The following DGCR2 variants were observed in gnomAD, a reference collection of about 807,000 sequenced individuals.
DGCR2 encodes the protein integral membrane protein DGCR2/IDD.
A neutral mutation model predicts 51.6 loss-of-function variants in DGCR2; 24 were observed. That is an observed-to-expected ratio of 0.47 (90% confidence interval 0.34 to 0.65). DGCR2 has a LOEUF of 0.65. DGCR2 is among the 30% of genes least tolerant of loss of function. The probability of loss-of-function intolerance (pLI) is 0.01; values close to 1 mark genes in which losing one functional copy is unlikely to be tolerated. For missense variants in DGCR2, 765 were observed against 772.1 expected (o/e 0.99, Z 0.11); for synonymous variants, 340 against 315.4 (o/e 1.08, Z -0.82).
intron 4 of DGCR2, among the ~76,000 whole-genome samples, chr22:19,064,559 G>A (rs555349965): frequency 1.2e-4 from 18 of 152,200 alleles, no homozygotes; most frequent in East Asian, 5.8e-4. Flanking sequence ...CCCTGCCTGC[G>A]CTCAGCAACT....
intron 1 of DGCR2, chr22:19,121,810 T>A (rs1228350181): frequency 9.8e-6 from 2 of 205,062 alleles, no homozygotes; most frequent in East Asian, 1.2e-4. Flanking sequence ...TGAGAGCCAC[T>A]GTCCCCAGCC....
At chr22:19,075,782 A>G (rs895106835) in intron 2 of DGCR2, among the ~76,000 whole-genome samples, 9 of 152,172 alleles carry the variant, frequency 5.9e-5, no homozygotes, top group African/African-American at 2.2e-4. Flanking sequence ...AAGGTAAACC[A>G]TATTCCACTG....
At chr22:19,080,228 C>T (rs2082921108) in intron 2 of DGCR2, among the ~76,000 whole-genome samples, 1 of 152,184 alleles carries the variant, frequency 6.6e-6, no homozygotes, top group Non-Finnish European at 1.5e-5. Flanking sequence ...TCAACCTCCA[C>T]GACTCCCCTC....
In DGCR2 at chr22:19,057,973, C is replaced by T. The variant is rs911302468; in HGVS notation, c.626-811G>A. Among the ~76,000 whole-genome samples the T allele has an allele frequency of 6.6e-6, 1 of 152,176 alleles. No individual in the cohort carries two copies. The highest frequency in any genetic ancestry group is 1.5e-5 in the Non-Finnish European group (1 of 68,028). ...CCAAGATTCCTTGAGGCTTACCCGA[C>T]CAGGATCAATGGAAACACAAAGCAA... On this transcript the variant is annotated intron_variant, in intron 5 of 9. Coordinates refer to ENST00000263196, the MANE Select transcript of DGCR2 (RefSeq NM_005137.3). The surrounding 1 kb of genome is among the most constrained non-coding windows in gnomAD (Gnocchi z 5.1).
intron 1 of DGCR2, among the ~76,000 whole-genome samples, chr22:19,112,207 A>G (rs113453892): frequency 0.12 from 18,258 of 150,340 alleles, 1,258 homozygotes; most frequent in Middle Eastern, 0.19. Context: ...CGGGAGGCAG[A>G]GGTTACAGTG....
intron 7 of DGCR2, among the ~76,000 whole-genome samples, chr22:19,044,397 ATT>A (rs1405621395): frequency 6.6e-6 from 1 of 152,204 alleles, no homozygotes; most frequent in Non-Finnish European, 1.5e-5. Flanking sequence ...GGAGCTCACC[ATT>A]TCATTGAGCT....
intron 1 of DGCR2, among the ~76,000 whole-genome samples, chr22:19,100,637 G>A (rs1371345872): frequency 1.3e-5 from 2 of 148,570 alleles, no homozygotes; most frequent in African/African-American, 5.0e-5. Flanking sequence ...CTGCACTCCA[G>A]CCTGGGCGAC....
At chr22:19,096,365 A>G (rs1302503898) in intron 1 of DGCR2, among the ~76,000 whole-genome samples, 1 of 152,180 alleles carries the variant, frequency 6.6e-6, no homozygotes, top group East Asian at 1.9e-4. Flanking sequence ...AGGTGAGAAA[A>G]AGAGGTTGGT....
chr22:19,109,546 A>G (rs1256200715), intron 1 of DGCR2, among the ~76,000 whole-genome samples: 1 of 152,226 alleles, frequency 6.6e-6, no homozygotes, highest in Non-Finnish European at 1.5e-5. Flanking sequence ...GCATGATTCT[A>G]CTTATATGGA....
At chr22:19,048,692 T>C in intron 6 of DGCR2, 49 bp from the exon 7 acceptor site, 1 of 1,593,094 alleles carries the variant, frequency 6.3e-7, no homozygotes, top group Non-Finnish European at 8.6e-7. Flanking sequence ...CCAAAAAAGG[T>C]AGCCTCCCCG....
At chr22:19,104,477 C>T (rs1253258215) in intron 1 of DGCR2, among the ~76,000 whole-genome samples, 1 of 152,170 alleles carries the variant, frequency 6.6e-6, no homozygotes, top group Non-Finnish European at 1.5e-5. Context: ...CATTTGCCCA[C>T]AAAGAACAAG....
In DGCR2 at chr22:19,041,231, G is replaced by A. The variant is rs763137065; in HGVS notation, c.1223C>T (p.Thr408Met). 37 of 1,614,100 alleles carry A rather than the reference G, an allele frequency of 2.3e-5. No individual in the cohort carries two copies. Among genetic ancestry groups the A allele is most frequent in the Admixed American group, 3.3e-5 (2 of 60,018 alleles). Residue 408 changes from threonine (T) to methionine (M), a missense_variant, in exon 9 of 10, where the codon ACG becomes ATG. By Grantham distance (81) the Thr-to-Met change is moderately conservative (BLOSUM62 -1). This residue lies in a region of DGCR2 where 190 missense variants were observed against 265.2 expected (regional missense o/e 0.72). Transcript: ENST00000263196. ...AGAAAGATGCAGCGGCGTGAGGCCC[G>A]TGCCAAACCCGTCTGGGCCGTAATC... ...GFDYGPDGFG[T>M]GLTPLHLSDD...
chr22:19,077,600 G>A (rs907640894), intron 2 of DGCR2, among the ~76,000 whole-genome samples: 1 of 152,140 alleles, frequency 6.6e-6, no homozygotes, highest in African/African-American at 2.4e-5. Flanking sequence ...TTTGTAATAA[G>A]GTTTAAAGTC....
intron 6 of DGCR2, among the ~76,000 whole-genome samples, chr22:19,054,098 C>T (rs982826275): frequency 3.9e-5 from 6 of 152,146 alleles, no homozygotes; most frequent in South Asian, 2.1e-4. Context: ...ATTATTGGAA[C>T]GACTGATAAA....
Position 19,113,079 on chromosome 22 carries a change from G to GAAAC in DGCR2, c.79+9045_79+9048dup, listed in dbSNP as rs1240395956. ...CCTGGAACGCTGGATTAGAACTAAA[G>GAAAC]AAACAGTATGGGCCAGGCACAGTGG... On this transcript the variant is annotated intron_variant, in intron 1 of 9. Transcript: ENST00000263196. Among the ~76,000 whole-genome samples, 2 of 103,382 alleles carry GAAAC rather than the reference G, an allele frequency of 1.9e-5. 1 individual carries two copies. The highest frequency in any genetic ancestry group is 8.0e-4 in the South Asian group (2 of 2,498). 67.8% of individuals were successfully genotyped at this position (103,382 alleles called of 152,430 possible).
At chr22:19,063,469 G>C (rs1009326987) in intron 4 of DGCR2, among the ~76,000 whole-genome samples, 191 bp from the exon 5 acceptor site, 5 of 151,934 alleles carry the variant, frequency 3.3e-5, no homozygotes, top group African/African-American at 7.2e-5. Flanking sequence ...CTCCCGAGTA[G>C]GTGGGATTAC....
At position 19,063,193 on chromosome 22, in the gene DGCR2, A is replaced by C; in HGVS notation, c.625+9T>G. ...GCTTCAAACACTCCCACACACCAGA[A>C]GGGCTCACCTTTGAATGCCACCTCC... is the stretch of plus-strand genomic sequence containing the variant. On this transcript the variant is annotated intron_variant, in intron 5 of 9. Coordinates refer to ENST00000263196, the MANE Select transcript of DGCR2 (RefSeq NM_005137.3). 6.2e-7 allele frequency: 1 copy of C among 1,613,856 alleles called. No individual in the cohort carries two copies. Among genetic ancestry groups the C allele is most frequent in the Non-Finnish European group, 8.5e-7 (1 of 1,179,734 alleles).
Position 19,057,359 on chromosome 22 carries a change from G to A in DGCR2, c.626-197C>T, listed in dbSNP as rs2082615433. Among the ~76,000 whole-genome samples, 2 of 152,220 alleles carry A rather than the reference G, an allele frequency of 1.3e-5. No individual in the cohort carries two copies. Among genetic ancestry groups the A allele is most frequent in the Non-Finnish European group, 2.9e-5 (2 of 68,028 alleles). ...AGTCACCCCAGGTGCTGGGCCTAGCGGGAGCCACTCCTTGGAGCCTGCAAG... is the reference window on the plus strand; with the variant it reads ...AGTCACCCCAGGTGCTGGGCCTAGCAGGAGCCACTCCTTGGAGCCTGCAAG... On this transcript the variant is annotated intron_variant, in intron 5 of 9. Coordinates refer to ENST00000263196, the MANE Select transcript of DGCR2 (RefSeq NM_005137.3). The surrounding 1 kb of genome is among the most constrained non-coding windows in gnomAD (Gnocchi z 5.1).
chr22:19,060,965 A>G (rs901875442), intron 5 of DGCR2: 2 of 425,104 alleles, frequency 4.7e-6, no homozygotes, highest in Non-Finnish European at 9.5e-6. Context: ...TCTGGAACAT[A>G]TTATACAACA....
Sources: gnomAD v4.1 joint callset for allele counts (sites outside exome capture counted in the v4.1 genomes callset) on GRCh38, gnomAD v4.1.1 for gene constraint, gnomAD v4.1.1 regional missense constraint, Gnocchi (gnomAD v3.1) non-coding constraint, MANE v1.5 for transcripts, NCBI Gene and HGNC (gene_info 2026-07-23, HGNC 2026-07-21) for gene names.